Variants in MYO3B observed in about 807,000 individuals in gnomAD.
MYO3B encodes the protein myosin IIIB.
MYO3B carries 156 observed loss-of-function variants against 174.6 expected under a neutral mutation model. The ratio of observed to expected loss-of-function variants is 0.89; its 90% CI spans 0.78 to 1.02. The LOEUF (loss-of-function observed/expected upper bound fraction) is 1.02, where lower values mean the gene tolerates loss of function less well. Ranked by LOEUF, MYO3B falls within the 50% of genes least tolerant of loss-of-function variation. MYO3B has a pLI of 0.00. For synonymous variants in MYO3B, 563 were observed against 569.1 expected (o/e 0.99, Z 0.15); for missense variants, 1,632 against 1,639.4 (o/e 1.00, Z 0.08).
At chr2:170,198,805 G>T (rs1051819427) in intron 1 of MYO3B, among the ~76,000 whole-genome samples, 1 of 151,688 alleles carries the variant, frequency 6.6e-6, no homozygotes, top group Non-Finnish European at 1.5e-5. Flanking sequence ...GAGCCCTCAT[G>T]AAGGTTACCA....
chr2:170,647,612 A>AAATC (rs1284112063), intron 32 of MYO3B, among the ~76,000 whole-genome samples: 1 of 152,226 alleles, frequency 6.6e-6, no homozygotes, highest in African/African-American at 2.4e-5. Context: ...ATCTGATGCT[A>AAATC]AATCAGATAA....
chr2:170,599,574 C>A (rs1049937725), intron 32 of MYO3B, among the ~76,000 whole-genome samples: 1 of 152,096 alleles, frequency 6.6e-6, no homozygotes, highest in Non-Finnish European at 1.5e-5. Context: ...TGGTGAAACC[C>A]CATCTCTACT....
At chr2:170,520,941 A>G (rs911068436) in intron 30 of MYO3B, among the ~76,000 whole-genome samples, 15 of 152,212 alleles carry the variant, frequency 9.9e-5, no homozygotes, top group African/African-American at 3.6e-4. Flanking sequence ...GGAAGGCCTA[A>G]TAGAATGAAA....
chr2:170,384,984 TTA>T (rs2094363209), intron 12 of MYO3B, among the ~76,000 whole-genome samples: 3 of 152,140 alleles, frequency 2.0e-5, no homozygotes, highest in Non-Finnish European at 2.9e-5. Context: ...GTGACTCTCT[TTA>T]GGTTTGATAA....
At chr2:170,583,532 G>A (rs560562242) in intron 32 of MYO3B, among the ~76,000 whole-genome samples, 71 of 152,044 alleles carry the variant, frequency 4.7e-4, no homozygotes, top group Non-Finnish European at 1.0e-3. Context: ...TGCTCTTAGG[G>A]CTCCACTTCT....
At chr2:170,422,977 C>CTTTTTTTTTTTTT (rs34882424) in intron 22 of MYO3B, among the ~76,000 whole-genome samples, 85 of 88,504 alleles carry the variant, frequency 9.6e-4, no homozygotes, top group Non-Finnish European at 1.1e-3. Context: ...TTCTTTCTTT[C>CTTTTTTTTTTTTT]TTTTTTTTTT....
At chr2:170,551,806 G>T (rs773897088) in intron 32 of MYO3B, among the ~76,000 whole-genome samples, 2 of 152,162 alleles carry the variant, frequency 1.3e-5, no homozygotes, top group Non-Finnish European at 2.9e-5. Flanking sequence ...TTGGGGGAGG[G>T]ACCTGGTGGG....
At chr2:170,637,092 T>A (rs1033574289) in intron 32 of MYO3B, among the ~76,000 whole-genome samples, 5 of 151,912 alleles carry the variant, frequency 3.3e-5, no homozygotes, top group African/African-American at 7.3e-5. Flanking sequence ...TACTTTTTGG[T>A]TAAGCTTGGT....
intron 1 of MYO3B, among the ~76,000 whole-genome samples, chr2:170,193,280 A>G (rs2092561455): frequency 6.6e-6 from 1 of 152,076 alleles, no homozygotes; most frequent in Non-Finnish European, 1.5e-5. Context: ...CTCAATTACT[A>G]TTGTTGAATG....
chr2:170,416,522 C>CA (rs1209503137), intron 22 of MYO3B, among the ~76,000 whole-genome samples: 930 of 59,310 alleles, frequency 0.016, 16 homozygotes, highest in South Asian at 0.024. Flanking sequence ...GACTCCGTCT[C>CA]AAAAAAAAAA....
At chr2:170,377,497 A>G (rs567838436) in intron 9 of MYO3B, among the ~76,000 whole-genome samples, 56 of 152,218 alleles carry the variant, frequency 3.7e-4, no homozygotes, top group African/African-American at 1.3e-3. Context: ...GATGGTACAG[A>G]CTTGCCCTCA....
intron 25 of MYO3B, among the ~76,000 whole-genome samples, chr2:170,470,223 A>G (rs2105978638): frequency 6.6e-6 from 1 of 152,226 alleles, no homozygotes; most frequent in African/African-American, 2.4e-5. Context: ...ATTACCTAAA[A>G]GGAAACTCCA....
intron 30 of MYO3B, among the ~76,000 whole-genome samples, chr2:170,530,641 A>G (rs1689299995): frequency 6.6e-6 from 1 of 152,182 alleles, no homozygotes; most frequent in South Asian, 2.1e-4. Context: ...ACTGGCAGGA[A>G]GCACCTTGTT....
At chr2:170,429,486 CT>C (rs1275373909) in intron 22 of MYO3B, among the ~76,000 whole-genome samples, 1 of 152,192 alleles carries the variant, frequency 6.6e-6, no homozygotes, top group Non-Finnish European at 1.5e-5. Flanking sequence ...TTTCTTCCCC[CT>C]AAAACTGTCC....
chr2:170,206,524 GAACTA>G lies in MYO3B; in HGVS notation c.321+6245_321+6249del, dbSNP rs2092714754. 6.6e-6 allele frequency among the ~76,000 whole-genome samples: 1 copy of G among 152,130 alleles called. No homozygotes were observed. Among genetic ancestry groups the G allele is most frequent in the African/African-American group, 2.4e-5 (1 of 41,434 alleles). On this transcript the variant is annotated intron_variant, in intron 3 of 34. Coordinates refer to ENST00000408978, the MANE Select transcript of MYO3B (RefSeq NM_138995.5). This position sits in a 1 kb window ranked among gnomAD's most constrained non-coding sequence, Gnocchi z 4.3. ...AGAGGTGCCTTTCTTCTCAATAACT[GAACTA>G]AACTGGGTTCTTGAGCCCCCAGCCT...
Position 170,243,933 on chromosome 2 carries a change from A to T in MYO3B, c.749+7797A>T, listed in dbSNP as rs12467663. Among the ~76,000 whole-genome samples, 419 of 152,174 alleles carry T rather than the reference A, an allele frequency of 2.8e-3. 5 individuals carry two copies. The highest frequency in any genetic ancestry group is 0.02 in the Admixed American group (313 of 15,292). ...TCACAACTCCTTTGTAAATAGACAC[A>T]CTCTTAAGAGATACGGTCACATACA... On this transcript the variant is annotated intron_variant, in intron 7 of 34. Transcript: ENST00000408978.
rs1330206975 is a variant in MYO3B, at chr2:170,244,147, G to A, written c.749+8011G>A. Among the ~76,000 whole-genome samples the A allele has an allele frequency of 3.3e-5, 5 of 152,220 alleles. No homozygotes were observed. The East Asian group carries it at 7.7e-4, about 23-fold the overall frequency. On this transcript the variant is annotated intron_variant, in intron 7 of 34. Transcript: ENST00000408978. ...CAGTTTTTGTGGTGGTTTTGTGCTC[G>A]GTTGATGAGTCGTATGACTGGTCTT... is the stretch of plus-strand genomic sequence containing the variant.
rs1346480676 is a variant in MYO3B, at chr2:170,520,267, A to G, written c.3575+727A>G. ...GCCTCCCCGCAGCAAAGAATTGTCCAGCCTCAGATGTCAGTAGTCCCACAG... is the reference window on the plus strand; with the variant it reads ...GCCTCCCCGCAGCAAAGAATTGTCCGGCCTCAGATGTCAGTAGTCCCACAG... On this transcript the variant is annotated intron_variant, in intron 30 of 34. Transcript: ENST00000408978. Among the ~76,000 whole-genome samples, 4 of 151,996 alleles carry G rather than the reference A, an allele frequency of 2.6e-5. 1 individual carries two copies. Among genetic ancestry groups the G allele is most frequent in the Admixed American group, 2.6e-4 (4 of 15,252 alleles).
intron 7 of MYO3B, among the ~76,000 whole-genome samples, chr2:170,280,798 T>C (rs12465783): frequency 0.13 from 19,542 of 152,112 alleles, 1,498 homozygotes; most frequent in Admixed American, 0.24. Flanking sequence ...GTGTGCGGCC[T>C]TATTTCTGGG....
Sources: allele counts gnomAD v4.1 joint callset (sites outside exome capture counted in the v4.1 genomes callset), GRCh38; gene constraint gnomAD v4.1.1; non-coding constraint Gnocchi (gnomAD v3.1); transcripts MANE v1.5; gene names NCBI Gene and HGNC (gene_info 2026-07-23, HGNC 2026-07-21).